AGBL1: variants seen among roughly 807,000 people sequenced by gnomAD.
AGBL1 encodes the protein cytosolic carboxypeptidase 4.
AGBL1 carries 130 observed loss-of-function variants against 118.9 expected under a neutral mutation model. That is an observed-to-expected ratio of 1.09 (90% CI 0.95 to 1.26). The LOEUF (loss-of-function observed/expected upper bound fraction) is 1.26. Ranked by LOEUF, AGBL1 falls within the 50% of genes most tolerant of loss-of-function variation. The probability of loss-of-function intolerance (pLI) is 0.00; values close to 1 mark genes in which losing one functional copy is unlikely to be tolerated. For synonymous variants in AGBL1, 555 were observed against 478.9 expected, an observed-to-expected ratio of 1.16 and a Z score of -2.08; for missense variants, 1,584 against 1,298.1, an observed-to-expected ratio of 1.22 and a Z score of -3.38.
intron 18 of AGBL1, among the ~76,000 whole-genome samples, chr15:86,519,674 A>C (rs1181599422): frequency 6.6e-6 from 1 of 152,174 alleles, no homozygotes; most frequent in Non-Finnish European, 1.5e-5. Context: ...TCCAAATCAT[A>C]ACCACCATAG....
intron 22 of AGBL1, among the ~76,000 whole-genome samples, chr15:86,834,885 C>T (rs948230264): frequency 8.5e-5 from 13 of 152,156 alleles, no homozygotes; most frequent in Non-Finnish European, 1.6e-4. Context: ...ACCTATGAAA[C>T]GTGGGATCCA....
intron 17 of AGBL1, among the ~76,000 whole-genome samples, chr15:86,340,294 G>GCC (rs34405404): frequency 1.8e-3 from 262 of 149,354 alleles, no homozygotes; most frequent in Non-Finnish European, 3.1e-3. Context: ...TGCCTCCACT[G>GCC]CCCCCCCCCC....
Position 86,100,212 on chromosome 15 carries a change from A to T in AGBL1, c.51+20189A>T, listed in dbSNP as rs559514567. Among the ~76,000 whole-genome samples, 336 of 152,204 alleles carry T rather than the reference A, an allele frequency of 2.2e-3. 15 individuals are homozygous for T. The South Asian group carries it at 0.066, about 30-fold the overall frequency. On this transcript the variant is annotated intron_variant, in intron 1 of 22. Transcript: ENST00000614907. The stretch of plus-strand genomic sequence containing the variant: ...CACTTGACCATGGCTTATTCTTTTT[A>T]TGATGCATGTTAGATTTAGTAAGCT...
At position 86,080,002 on chromosome 15, in the gene AGBL1, G is replaced by C. The variant is rs1341717685; in HGVS notation, c.30G>C (p.Gln10His). The change falls in exon 1 of 23, where the codon CAG becomes CAC. Residue 10 changes from glutamine (Q) to histidine (H), a missense_variant. Transcript: ENST00000614907. ...CCGAACAAGAAGCTAGTGGGCTACA[G>C]GTCCTGCTGCACACGCTTCAGGTAG... is the stretch of plus-strand genomic sequence containing the variant. MAEQEASGLQVLLHTLQSSS... is the reference protein window; with the variant it reads MAEQEASGLHVLLHTLQSSS... The C allele has an allele frequency of 8.1e-7, 1 of 1,232,108 alleles. No homozygotes were observed. Among genetic ancestry groups the C allele is most frequent in the Non-Finnish European group, 1.0e-6 (1 of 988,042 alleles). 76.3% of individuals were successfully genotyped at this position (1,232,108 alleles called of 1,614,324 possible).
intron 23 of AGBL1, among the ~76,000 whole-genome samples, chr15:86,943,198 G>C (rs1179572653): frequency 6.6e-6 from 1 of 152,118 alleles, no homozygotes; most frequent in African/African-American, 2.4e-5. Context: ...AAAGAGTCCT[G>C]TTCTATCTTG....
chr15:86,787,690 A>G (rs1459207597), intron 22 of AGBL1, among the ~76,000 whole-genome samples: 1 of 152,170 alleles, frequency 6.6e-6, no homozygotes, highest in South Asian at 2.1e-4. Context: ...CCTCCAATGA[A>G]CATGACAGCA....
intron 22 of AGBL1, among the ~76,000 whole-genome samples, chr15:86,889,719 C>T (rs143892726): frequency 2.0e-5 from 3 of 152,308 alleles, no homozygotes; most frequent in Middle Eastern, 3.4e-3. Flanking sequence ...CTGCAAAGGA[C>T]ATGATCTCAT....
At chr15:86,731,782 A>G (rs1249219580) in intron 22 of AGBL1, among the ~76,000 whole-genome samples, 1 of 152,234 alleles carries the variant, frequency 6.6e-6, no homozygotes, top group Non-Finnish European at 1.5e-5. Context: ...CTTGAAGTAA[A>G]GCTTGCTTAT....
At chr15:86,901,874 T>G (rs1406884665) in intron 22 of AGBL1, among the ~76,000 whole-genome samples, 1 of 152,170 alleles carries the variant, frequency 6.6e-6, no homozygotes, top group Non-Finnish European at 1.5e-5. Context: ...GAATTTTTTT[T>G]AGTTGTTACA....
At chr15:86,373,048 T>C (rs2080992169) in intron 17 of AGBL1, among the ~76,000 whole-genome samples, 1 of 152,174 alleles carries the variant, frequency 6.6e-6, no homozygotes, top group African/African-American at 2.4e-5. Flanking sequence ...CGTAATGAAA[T>C]GGTCAAAGCA....
intron 24 of AGBL1, among the ~76,000 whole-genome samples, chr15:87,013,865 G>C (rs1055170465): frequency 1.3e-5 from 2 of 152,170 alleles, no homozygotes; most frequent in Non-Finnish European, 2.9e-5. Context: ...TGGGGTAGCA[G>C]GGAGGTCATG....
At chr15:86,433,845 C>A (rs896307086) in intron 18 of AGBL1, among the ~76,000 whole-genome samples, 1 of 152,196 alleles carries the variant, frequency 6.6e-6, no homozygotes, top group African/African-American at 2.4e-5. Context: ...GCATCTTTCT[C>A]AAATAACTCT....
At chr15:86,994,494 C>T (rs745809609) in intron 24 of AGBL1, among the ~76,000 whole-genome samples, 6 of 152,154 alleles carry the variant, frequency 3.9e-5, no homozygotes, top group Non-Finnish European at 7.4e-5. Flanking sequence ...ATACCACTCT[C>T]CCTCAAGCCC....
chr15:86,541,112 C>T (rs563716780), intron 19 of AGBL1, among the ~76,000 whole-genome samples: 1 of 152,206 alleles, frequency 6.6e-6, no homozygotes, highest in South Asian at 2.1e-4. Flanking sequence ...AGTGTTTATT[C>T]ACAGAGAGAA....
At chr15:86,374,064 C>T (rs551845895) in intron 17 of AGBL1, among the ~76,000 whole-genome samples, 105 of 152,252 alleles carry the variant, frequency 6.9e-4, no homozygotes, top group African/African-American at 2.4e-3. Context: ...TACCTAAGTC[C>T]GACTTGGTTG....
chr15:86,266,345 CT>C, intron 11 of AGBL1, 28 bp from the exon 12 acceptor site: 1 of 1,539,684 alleles, frequency 6.5e-7, no homozygotes, highest in Non-Finnish European at 8.8e-7. Context: ...AAGGCCGACC[CT>C]TAAAATGTTT....
At chr15:86,335,311 T>C (rs561195654) in intron 17 of AGBL1, among the ~76,000 whole-genome samples, 52 of 152,220 alleles carry the variant, frequency 3.4e-4, no homozygotes, top group African/African-American at 1.2e-3. Context: ...GCTAATTTTT[T>C]GTATTTTTAG....
intron 22 of AGBL1, among the ~76,000 whole-genome samples, chr15:86,821,513 A>G (rs1026905132): frequency 6.6e-6 from 1 of 152,152 alleles, no homozygotes; most frequent in Non-Finnish European, 1.5e-5. Flanking sequence ...CAAGTTTTAA[A>G]AAAGATAATA....
At chr15:86,966,514 C>A (rs1345507781) in intron 23 of AGBL1, among the ~76,000 whole-genome samples, 2 of 151,970 alleles carry the variant, frequency 1.3e-5, no homozygotes, top group East Asian at 1.9e-4. Context: ...TGTGATGTTC[C>A]CCTTCCTGTG....
Sources: gnomAD v4.1 joint callset for allele counts (sites outside exome capture counted in the v4.1 genomes callset) on GRCh38, gnomAD v4.1.1 for gene constraint, MANE v1.5 for transcripts, NCBI Gene and HGNC (gene_info 2026-07-23, HGNC 2026-07-21) for gene names.